The following ANK2 variants were observed in gnomAD, a reference collection of about 807,000 sequenced individuals.
ANK2 encodes ankyrin-2.
In ANK2, 83 loss-of-function variants were observed where a neutral mutation model predicts 360.5. The ratio of observed to expected loss-of-function variants is 0.23; its 90% CI spans 0.19 to 0.28. The LOEUF (loss-of-function observed/expected upper bound fraction) is 0.28. ANK2 is among the 10% of genes least tolerant of loss of function. ANK2 has a pLI of 1.00. For missense variants in ANK2, 4,201 were observed against 4,795.7 expected (o/e 0.88, Z 3.66); for synonymous variants, 1,740 against 1,759.5 (o/e 0.99, Z 0.28).
rs755009874 is a variant in ANK2, at chr4:113,355,328, C to G, written c.6710C>G (p.Ala2237Gly). The change falls in exon 38 of 46, where the codon GCA becomes GGA. Residue 2237 changes from alanine (A) to glycine (G), a missense_variant. Transcript: ENST00000357077. The part of the protein sequence containing the change: ...SEESYKHEGL[A>G]ETPETSPESL... ...GAAAGCTATAAGCATGAAGGCCTAG[C>G]AGAGACCCCTGAGACGAGCCCAGAA... 2.5e-6 allele frequency: 4 copies of G among 1,613,864 alleles called. No individual in the cohort carries two copies. Among genetic ancestry groups the G allele is most frequent in the Non-Finnish European group, 3.4e-6 (4 of 1,179,988 alleles).
At chr4:112,768,616 T>G in the ANK2 span, among the ~76,000 whole-genome samples, 1 of 152,182 alleles carries the variant, frequency 6.6e-6, no homozygotes, top group African/African-American at 2.4e-5. Flanking sequence ...GTTTTTCTAC[T>G]TACTCTTTAA....
chr4:113,185,771 T>G (rs2098509497), intron 2 of ANK2, among the ~76,000 whole-genome samples: 2 of 152,228 alleles, frequency 1.3e-5, no homozygotes, highest in South Asian at 4.1e-4. Flanking sequence ...GTTTTAGTCA[T>G]GAAGTCTTTG....
chr4:113,061,202 A>C (rs1048730698), intron 1 of ANK2, among the ~76,000 whole-genome samples: 1 of 152,034 alleles, frequency 6.6e-6, no homozygotes, highest in Non-Finnish European at 1.5e-5. Flanking sequence ...AGTGGCTTCC[A>C]TGTTTGATTT....
intron 1 of ANK2, among the ~76,000 whole-genome samples, chr4:113,113,196 T>TCC (rs34488273): frequency 6.6e-6 from 1 of 151,108 alleles, no homozygotes; most frequent in Admixed American, 6.6e-5. Context: ...TTTTTTTTTT[T>TCC]CCCTGATTAG....
At chr4:113,044,689 C>T (rs2063827742), upstream of ANK2, among the ~76,000 whole-genome samples, 1 of 152,130 alleles carries the variant, frequency 6.6e-6, no homozygotes, top group South Asian at 2.1e-4. Flanking sequence ...CATCCCTTGC[C>T]TTGTAGCTAC....
At chr4:112,742,253 CGA>C in the ANK2 span, among the ~76,000 whole-genome samples, 3 of 152,040 alleles carry the variant, frequency 2.0e-5, no homozygotes, top group African/African-American at 7.2e-5. Flanking sequence ...GGCGACAGAG[CGA>C]GACTCTGTCT....
intron 35 of ANK2, 112 bp from the exon 36 acceptor site, chr4:113,348,164 C>A: frequency 9.7e-7 from 1 of 1,032,134 alleles, no homozygotes; most frequent in Non-Finnish European, 1.5e-6. Flanking sequence ...TGTATGCTTG[C>A]CTGTTGATGC....
At position 113,358,519 on chromosome 4, in the gene ANK2, A is replaced by C; in HGVS notation, c.9901A>C (p.Lys3301Gln). The C allele has an allele frequency of 6.2e-7, 1 of 1,614,102 alleles. No individual in the cohort carries two copies. The highest frequency in any genetic ancestry group is 8.5e-7 in the Non-Finnish European group (1 of 1,179,976). The change falls in exon 38 of 46, where the codon AAA becomes CAA. Residue 3301 changes from lysine to glutamine, a missense_variant. Physicochemically the swap from Lys to Gln is moderately conservative, Grantham distance 53 (BLOSUM62 1). This residue lies in a region of ANK2 where 2,642 missense variants were observed against 2,714.5 expected (regional missense o/e 0.97). Transcript: ENST00000357077. Reference protein sequence around the residue: ...PMENVPFTESKSKIPVRTMPT... With the variant: ...PMENVPFTESQSKIPVRTMPT... ...GGAGAATGTGCCTTTTACTGAAAGC[A>C]AATCCAAAATTCCTGTAAGGACTAT... is the stretch of plus-strand genomic sequence containing the variant.
the ANK2 span, among the ~76,000 whole-genome samples, chr4:112,728,282 G>A: frequency 9.7e-4 from 93 of 95,708 alleles, 1 homozygote; most frequent in African/African-American, 3.6e-3. Flanking sequence ...GACAGAGCGA[G>A]ACTCTGTCTC....
At chr4:112,801,084 A>G in the ANK2 span, among the ~76,000 whole-genome samples, 3 of 152,216 alleles carry the variant, frequency 2.0e-5, no homozygotes, top group Admixed American at 6.5e-5. Flanking sequence ...CTATAGTGAC[A>G]TTACTGCTTC....
chr4:113,188,221 A>G (rs375447810), intron 2 of ANK2, among the ~76,000 whole-genome samples: 2 of 152,290 alleles, frequency 1.3e-5, no homozygotes, highest in Non-Finnish European at 2.9e-5. Context: ...CAAATTCTGG[A>G]CAAGTACTAA....
At chr4:112,771,172 G>A in the ANK2 span, among the ~76,000 whole-genome samples, 1 of 152,200 alleles carries the variant, frequency 6.6e-6, no homozygotes, top group Non-Finnish European at 1.5e-5. Flanking sequence ...TAGTGCAATG[G>A]TGCGATCTTG....
At chr4:113,188,985 T>A (rs540767562) in intron 2 of ANK2, among the ~76,000 whole-genome samples, 2 of 152,338 alleles carry the variant, frequency 1.3e-5, no homozygotes, top group East Asian at 3.9e-4. Flanking sequence ...ATTATTGAAG[T>A]GCACCTTTTT....
At chr4:112,837,423 G>A (rs1242591870) in intron 1 of ANK2, among the ~76,000 whole-genome samples, 1 of 152,258 alleles carries the variant, frequency 6.6e-6, no homozygotes, top group Non-Finnish European at 1.5e-5. Flanking sequence ...AATGCAGAAG[G>A]GAAATGTGGG....
chr4:113,322,141 A>G (rs1241522729), intron 26 of ANK2, among the ~76,000 whole-genome samples: 1 of 152,232 alleles, frequency 6.6e-6, no homozygotes, highest in Non-Finnish European at 1.5e-5. Flanking sequence ...TTTTACATTA[A>G]TAGAAGACAC....
intron 1 of ANK2, among the ~76,000 whole-genome samples, chr4:113,093,580 T>A (rs919760554): frequency 3.9e-5 from 6 of 152,194 alleles, no homozygotes; most frequent in Non-Finnish European, 7.3e-5. Flanking sequence ...CCTCAAGTGA[T>A]CTGCCTACCT....
At chr4:113,101,677 T>A (rs1334932830) in intron 1 of ANK2, among the ~76,000 whole-genome samples, 3 of 152,084 alleles carry the variant, frequency 2.0e-5, no homozygotes, top group East Asian at 3.9e-4. Flanking sequence ...GAAAAAAAAA[T>A]TCAACAAATA....
intron 2 of ANK2, among the ~76,000 whole-genome samples, chr4:113,194,559 TG>T (rs1207024098): frequency 6.6e-6 from 1 of 152,196 alleles, no homozygotes; most frequent in African/African-American, 2.4e-5. Context: ...AAGATAACTT[TG>T]TTTTTTAGGA....
the ANK2 span, among the ~76,000 whole-genome samples, chr4:112,714,797 T>C: frequency 6.6e-6 from 1 of 152,218 alleles, no homozygotes; most frequent in Non-Finnish European, 1.5e-5. Flanking sequence ...TTTATGTTTT[T>C]ATAAAGGGGT....
Sources: allele counts gnomAD v4.1 joint callset (sites outside exome capture counted in the v4.1 genomes callset), GRCh38; gene constraint gnomAD v4.1.1; regional missense constraint gnomAD v4.1.1; transcripts MANE v1.5; gene names NCBI Gene and HGNC (gene_info 2026-07-23, HGNC 2026-07-21).